L3HYPDH: variants seen among roughly 807,000 people sequenced by gnomAD.
The protein encoded by L3HYPDH is trans-3-hydroxy-L-proline dehydratase.
Under a neutral mutation model 26.5 loss-of-function variants are expected in L3HYPDH, and 32 were observed. That is an observed-to-expected ratio of 1.21 (90% CI 0.91 to 1.62). The LOEUF (loss-of-function observed/expected upper bound fraction) is 1.62. Ranked by LOEUF, L3HYPDH falls within the 40% of genes most tolerant of loss-of-function variation. The pLI is 0.00. For synonymous variants in L3HYPDH, 215 were observed against 196.6 expected, an observed-to-expected ratio of 1.09 and a Z score of -0.78; for missense variants, 554 against 476.4, an observed-to-expected ratio of 1.16 and a Z score of -1.52.
rs1890263600 is a variant in L3HYPDH at position 59,483,917 on chromosome 14, T to C, written c.400A>G (p.Asn134Asp). The stretch of plus-strand genomic sequence containing the variant: ...ACCAGCCCGCAGGGGCAGTGGATAT[T>C]GACGCGGGCCTCGCGGGTGCCCGCA... The part of the protein sequence containing the change: ...PPAGTREARV[N>D]IHCPCGLVTA... Residue 134 changes from asparagine (N) to aspartate (D), a missense_variant, in exon 1 of 5, where the codon AAT (asparagine) becomes GAT (aspartate). By Grantham distance (23) the Asn-to-Asp change is conservative. Coordinates refer to ENST00000247194, the MANE Select transcript of L3HYPDH (RefSeq NM_144581.2). 33 of 1,557,694 alleles carry C rather than the reference T, an allele frequency of 2.1e-5. No homozygotes were observed. The highest frequency in any genetic ancestry group is 2.8e-5 in the Non-Finnish European group (32 of 1,157,566).
At position 59,483,969 on chromosome 14, in the gene L3HYPDH, CA is replaced by C; in HGVS notation, c.347del (p.Leu116TrpfsTer27). The C allele has an allele frequency of 6.4e-7, 1 of 1,571,834 alleles. No individual in the cohort carries two copies. On this transcript the variant is annotated frameshift_variant, in exon 1 of 5. Coordinates refer to ENST00000247194, the MANE Select transcript of L3HYPDH (RefSeq NM_144581.2). LOFTEE classifies it high-confidence loss of function. The part of the protein sequence containing the change: ...HAVLALGRFA[L>X]DFGLVPAPPA... ...GGGGCGCCGGCACAAGCCCGAAGTC[CA>C]AAGCGAAGCGGCCCAGCGCCAGCAC... is the stretch of plus-strand genomic sequence containing the variant.
chr14:59,479,848 CAT>C (rs1314969130), intron 1 of L3HYPDH, among the ~76,000 whole-genome samples: 3 of 152,270 alleles, frequency 2.0e-5, no homozygotes, highest in South Asian at 2.1e-4. Context: ...CACTTATCTA[CAT>C]GTTTTCATCT....
chr14:59,502,472 T>G, the L3HYPDH span, among the ~76,000 whole-genome samples: 1 of 152,204 alleles, frequency 6.6e-6, no homozygotes, highest in Non-Finnish European at 1.5e-5. Context: ...CCACTTTTTC[T>G]ATTACCTTAG....
chr14:59,468,848 C>G, downstream of L3HYPDH, among the ~76,000 whole-genome samples: 1 of 152,280 alleles, frequency 6.6e-6, no homozygotes, highest in Non-Finnish European at 1.5e-5. Flanking sequence ...AAGTGAGAGT[C>G]TGAAGTGGAC....
At chr14:59,498,940 A>G in the L3HYPDH span, 3 of 1,253,974 alleles carry the variant, frequency 2.4e-6, no homozygotes, top group African/African-American at 3.2e-5. Context: ...AATGAAATAT[A>G]TTTATTATTG....
the L3HYPDH span, chr14:59,505,232 C>G: frequency 4.9e-6 from 7 of 1,438,356 alleles, no homozygotes; most frequent in African/African-American, 5.7e-5. Context: ...GCAGTTGTAT[C>G]CTTGAGTTAC....
At chr14:59,490,729 T>C in the L3HYPDH span, among the ~76,000 whole-genome samples, 20 of 152,328 alleles carry the variant, frequency 1.3e-4, 2 homozygotes, top group Admixed American at 8.5e-4. Flanking sequence ...TTTCATCCAG[T>C]TTTTAATTTC....
chr14:59,470,013 C>A (rs1252087551), downstream of L3HYPDH, among the ~76,000 whole-genome samples: 3 of 152,148 alleles, frequency 2.0e-5, no homozygotes, highest in African/African-American at 7.2e-5. Context: ...GTGAATGATA[C>A]AGTTAATGAG....
chr14:59,472,225 T>C (rs1174826806), downstream of L3HYPDH, among the ~76,000 whole-genome samples: 1 of 152,258 alleles, frequency 6.6e-6, no homozygotes, highest in Non-Finnish European at 1.5e-5. Context: ...CTACCTAGCA[T>C]GCAGCTGATA....
At chr14:59,493,159 G>T in the L3HYPDH span, among the ~76,000 whole-genome samples, 1 of 152,108 alleles carries the variant, frequency 6.6e-6, no homozygotes, top group Admixed American at 6.6e-5. Context: ...ATGAGAAACC[G>T]ATTCACAGAT....
chr14:59,468,706 C>T (rs1158666228), downstream of L3HYPDH, among the ~76,000 whole-genome samples: 1 of 152,194 alleles, frequency 6.6e-6, no homozygotes, highest in African/African-American at 2.4e-5. Context: ...ATGAGATCCC[C>T]AGCACTTAGC....
At chr14:59,479,402 T>G in intron 1 of L3HYPDH, 51 bp from the exon 2 acceptor site, 1 of 1,490,662 alleles carries the variant, frequency 6.7e-7, no homozygotes, top group Non-Finnish European at 9.2e-7. Flanking sequence ...ATAAGTATTT[T>G]AGCAATAAAA....
At chr14:59,492,069 ATATATT>A in the L3HYPDH span, among the ~76,000 whole-genome samples, 2 of 152,160 alleles carry the variant, frequency 1.3e-5, no homozygotes, top group Admixed American at 1.3e-4. Context: ...GCAACAAACA[ATATATT>A]TATGCTCTGA....
At chr14:59,487,696 C>T (rs766788999), upstream of L3HYPDH, 4 of 1,612,710 alleles carry the variant, frequency 2.5e-6, no homozygotes, top group African/African-American at 1.3e-5. Context: ...GGACAGAGAA[C>T]GAATGCACAG....
upstream of L3HYPDH, among the ~76,000 whole-genome samples, chr14:59,488,947 C>CT (rs1375971036): frequency 6.6e-6 from 1 of 152,242 alleles, no homozygotes; most frequent in East Asian, 1.9e-4. Flanking sequence ...AGCCTACTTT[C>CT]TATTCTTTCC....
chr14:59,484,558 A>C (rs1337082012), upstream of L3HYPDH: 1 of 1,568,450 alleles, frequency 6.4e-7, no homozygotes, highest in East Asian at 2.4e-5. Context: ...CCGCTGATCT[A>C]GTGCTTCTCG....
chr14:59,495,254 GT>G, the L3HYPDH span: 126 of 545,884 alleles, frequency 2.3e-4, no homozygotes, highest in African/African-American at 3.4e-4. Flanking sequence ...TAAGATCATT[GT>G]TTTTTTTTAA....
At chr14:59,505,012 C>T in the L3HYPDH span, 4 of 334,526 alleles carry the variant, frequency 1.2e-5, no homozygotes, top group African/African-American at 6.4e-5. Flanking sequence ...ATGGTTGCAA[C>T]CATGGAAGCA....
chr14:59,500,673 A>T, the L3HYPDH span, among the ~76,000 whole-genome samples: 1 of 152,196 alleles, frequency 6.6e-6, no homozygotes, highest in Non-Finnish European at 1.5e-5. Context: ...ACAGAAAATT[A>T]TTTGACCATT....
Sources: gnomAD v4.1 joint callset for allele counts (sites outside exome capture counted in the v4.1 genomes callset) on GRCh38, gnomAD v4.1.1 for gene constraint, MANE v1.5 for transcripts, NCBI Gene and HGNC (gene_info 2026-07-23, HGNC 2026-07-21) for gene names.